Variants in DCAF6 observed in about 807,000 individuals in gnomAD.
DCAF6 encodes DDB1- and CUL4-associated factor 6.
In DCAF6, 54 loss-of-function variants were observed where a neutral mutation model predicts 125.1. The ratio of observed to expected loss-of-function variants is 0.43; its 90% CI spans 0.35 to 0.54. The LOEUF (loss-of-function observed/expected upper bound fraction) is 0.54, where lower values mean the gene tolerates loss of function less well. Among genes scored for constraint, DCAF6 ranks in the 20% least tolerant of loss-of-function variants. The pLI is 0.01. For synonymous variants in DCAF6, 371 were observed against 390.4 expected, an observed-to-expected ratio of 0.95 and a Z score of 0.58; for missense variants, 934 against 1,161.7, an observed-to-expected ratio of 0.80 and a Z score of 2.85.
chr1:168,040,976 A>G (rs1234164204), intron 13 of DCAF6, among the ~76,000 whole-genome samples: 1 of 150,510 alleles, frequency 6.6e-6, no homozygotes, highest in African/African-American at 2.4e-5. Context: ...TCTTGCTTTT[A>G]TTTTAGTTTC....
intron 7 of DCAF6, among the ~76,000 whole-genome samples, chr1:167,994,620 AATTT>A (rs1309498201): frequency 1.3e-5 from 2 of 152,216 alleles, no homozygotes; most frequent in Non-Finnish European, 2.9e-5. Flanking sequence ...GAAGATAATG[AATTT>A]ATTATTTATA....
At position 167,951,838 on chromosome 1, in the gene DCAF6, A is replaced by G. The variant is rs1673993643; in HGVS notation, c.136A>G (p.Thr46Ala). 3 of 1,607,102 alleles carry G rather than the reference A, an allele frequency of 1.9e-6. No homozygotes were observed. Among genetic ancestry groups the G allele is most frequent in the Non-Finnish European group, 2.6e-6 (3 of 1,174,234 alleles). The change falls in exon 2 of 22, where the codon ACC becomes GCC. Residue 46 changes from threonine to alanine, a missense_variant. By Grantham distance (58) the Thr-to-Ala change is moderately conservative. This residue lies in a region of DCAF6 where 309 missense variants were observed against 381.2 expected (regional missense o/e 0.81). Transcript: ENST00000367840. Reference protein sequence around the residue: ...EFIQRLKLEATLNVHDGCVNT... With the variant: ...EFIQRLKLEAALNVHDGCVNT... ...TATCCAAAGATTAAAACTTGAAGCA[A>G]CCCTTAATGTGCATGATGGTTGTGT... is the stretch of plus-strand genomic sequence containing the variant.
the DCAF6 span, among the ~76,000 whole-genome samples, chr1:167,890,973 A>AT: frequency 6.6e-6 from 1 of 151,920 alleles, no homozygotes; most frequent in African/African-American, 2.4e-5. Context: ...TTAGTTAGTT[A>AT]TTTTTTGAGA....
intron 11 of DCAF6, among the ~76,000 whole-genome samples, chr1:168,020,862 C>T (rs889031560): frequency 6.6e-6 from 1 of 151,874 alleles, no homozygotes; most frequent in Non-Finnish European, 1.5e-5. Flanking sequence ...TAATCCTTCC[C>T]AAAGGAGTTG....
At chr1:167,870,384 T>C in the DCAF6 span, 14 of 1,611,360 alleles carry the variant, frequency 8.7e-6, no homozygotes, top group Non-Finnish European at 1.2e-5. Flanking sequence ...ATAGTATACA[T>C]GAAGTAGTTG....
rs1218213397 is a variant in DCAF6 at position 167,997,629 on chromosome 1, C to A, written c.903+4189C>A. On this transcript the variant is annotated intron_variant, in intron 7 of 21. Coordinates refer to ENST00000367840, the MANE Select transcript of DCAF6 (RefSeq NM_001198956.2). ...AGTGTCACCAAGTTTTTATCAAAACCTGTTTAATTTTCAGGAAAAAAAAAT... is the reference window on the plus strand; with the variant it reads ...AGTGTCACCAAGTTTTTATCAAAACATGTTTAATTTTCAGGAAAAAAAAAT... Among the ~76,000 whole-genome samples the A allele has an allele frequency of 2.6e-5, 4 of 151,270 alleles. No individual in the cohort carries two copies. In the East Asian group the frequency reaches 5.8e-4, roughly 22 times the overall value.
chr1:167,922,992 A>G, the DCAF6 span, among the ~76,000 whole-genome samples: 1 of 152,196 alleles, frequency 6.6e-6, no homozygotes, highest in African/African-American at 2.4e-5. Context: ...AATAAAAACA[A>G]AGATATCTAA....
chr1:167,901,436 A>C, the DCAF6 span, among the ~76,000 whole-genome samples: 3 of 152,262 alleles, frequency 2.0e-5, no homozygotes, highest in East Asian at 5.8e-4. Context: ...CAACTAATTT[A>C]CTTTTTGTAA....
the DCAF6 span, chr1:167,893,813 C>T: frequency 7.0e-7 from 1 of 1,432,160 alleles, no homozygotes; most frequent in Non-Finnish European, 9.8e-7. Context: ...GTCCAGATCC[C>T]TGACATCCCC....
chr1:168,070,156 C>A (rs558759689), intron 21 of DCAF6, among the ~76,000 whole-genome samples: 2 of 152,028 alleles, frequency 1.3e-5, no homozygotes, highest in Non-Finnish European at 2.9e-5. Flanking sequence ...TATAAAAATT[C>A]TCTTTCATTT....
chr1:168,024,039 A>AC (rs1176158499), intron 12 of DCAF6: 2 of 150,392 alleles, frequency 1.3e-5, no homozygotes, highest in African/African-American at 2.5e-5. Flanking sequence ...ATATAGCGAG[A>AC]CCCCGTCTCT....
At chr1:167,973,427 A>C (rs1677648260) in intron 3 of DCAF6, among the ~76,000 whole-genome samples, 1 of 152,180 alleles carries the variant, frequency 6.6e-6, no homozygotes, top group African/African-American at 2.4e-5. Flanking sequence ...CTTTCCTAAC[A>C]GTCTTTCCCC....
the DCAF6 span, among the ~76,000 whole-genome samples, chr1:167,871,052 C>G: frequency 6.6e-6 from 1 of 152,110 alleles, no homozygotes; most frequent in Non-Finnish European, 1.5e-5. Context: ...CCAAGGCTAT[C>G]TAACCCTAAA....
chr1:167,875,526 C>A, the DCAF6 span, among the ~76,000 whole-genome samples: 1 of 152,344 alleles, frequency 6.6e-6, no homozygotes, highest in African/African-American at 2.4e-5. Context: ...AGTCACACAT[C>A]CTGCAAAGAT....
chr1:168,047,627 AAG>A (rs1420391184), intron 16 of DCAF6, among the ~76,000 whole-genome samples: 1 of 152,070 alleles, frequency 6.6e-6, no homozygotes, highest in Non-Finnish European at 1.5e-5. Context: ...ATTTATGAAT[AAG>A]AGAGAATACC....
At chr1:167,915,239 T>C in the DCAF6 span, among the ~76,000 whole-genome samples, 1 of 152,188 alleles carries the variant, frequency 6.6e-6, no homozygotes, top group East Asian at 1.9e-4. Flanking sequence ...TTAAAAGAGA[T>C]GCCATACCAC....
rs138398953 is a variant in DCAF6, at chr1:168,020,148, A to G, written c.1550-2840A>G. On this transcript the variant is annotated intron_variant, in intron 11 of 21. Transcript: ENST00000367840. ...GATAAACATTAAATGACCCATTCCT[A>G]TGTGCTGTCTGAATATTTTACATGG... 2.3e-3 allele frequency among the ~76,000 whole-genome samples: 353 copies of G among 152,328 alleles called. 2 individuals are homozygous for G. Among genetic ancestry groups the G allele is most frequent in the African/African-American group, 8.2e-3 (341 of 41,584 alleles).
At chr1:168,015,018 C>T (rs892946538) in intron 10 of DCAF6, among the ~76,000 whole-genome samples, 2 of 152,242 alleles carry the variant, frequency 1.3e-5, no homozygotes, top group Non-Finnish European at 2.9e-5. Context: ...CCTGTGTATT[C>T]GCAAATGTCT....
intron 17 of DCAF6, among the ~76,000 whole-genome samples, chr1:168,061,192 G>C (rs992673053): frequency 6.6e-6 from 1 of 152,106 alleles, no homozygotes; most frequent in Non-Finnish European, 1.5e-5. Flanking sequence ...AAACATGTCA[G>C]CTTTTCTGGG....
Sources: allele counts gnomAD v4.1 joint callset (sites outside exome capture counted in the v4.1 genomes callset), GRCh38; gene constraint gnomAD v4.1.1; regional missense constraint gnomAD v4.1.1; transcripts MANE v1.5; gene names NCBI Gene and HGNC (gene_info 2026-07-23, HGNC 2026-07-21).